PRKCZ: variants seen among roughly 807,000 people sequenced by gnomAD.
The protein encoded by PRKCZ is protein kinase C zeta type.
A neutral mutation model predicts 79.5 loss-of-function variants in PRKCZ; 33 were observed. That is an observed-to-expected ratio of 0.41 (90% CI 0.31 to 0.55). PRKCZ has a LOEUF of 0.55. PRKCZ is among the 20% of genes least tolerant of loss of function. PRKCZ has a pLI of 0.19. For synonymous variants in PRKCZ, 342 were observed against 320.9 expected, an observed-to-expected ratio of 1.07 and a Z score of -0.70; for missense variants, 578 against 813.5, an observed-to-expected ratio of 0.71 and a Z score of 3.52.
intron 11 of PRKCZ, among the ~76,000 whole-genome samples, chr1:2,169,868 G>A (rs968328178): frequency 5.3e-5 from 8 of 151,782 alleles, no homozygotes; most frequent in Admixed American, 6.6e-5. Context: ...TCAAGGGAGG[G>A]AAGTCCAGGT....
chr1:2,097,678 C>T (rs1037735493), intron 4 of PRKCZ, among the ~76,000 whole-genome samples: 5 of 152,246 alleles, frequency 3.3e-5, no homozygotes, highest in South Asian at 2.1e-4. Flanking sequence ...CGCCTCGCAC[C>T]GTGCTCCTGG....
At chr1:2,056,763 C>G (rs1660204264) in intron 3 of PRKCZ, among the ~76,000 whole-genome samples, 190 bp downstream of exon 3, 1 of 143,188 alleles carries the variant, frequency 7.0e-6, no homozygotes, top group South Asian at 2.2e-4. Flanking sequence ...GAGTCTTGCT[C>G]TGTTGCCCAG....
In PRKCZ at chr1:2,172,251, C is replaced by T. The variant is rs562500175; in HGVS notation, c.1198-50C>T. 1.1e-5 allele frequency: 18 copies of T among 1,613,416 alleles called. No homozygotes were observed. Among genetic ancestry groups the T allele is most frequent in the Middle Eastern group, 1.6e-4 (1 of 6,062 alleles). On this transcript the variant is annotated intron_variant, in intron 12 of 17. Coordinates refer to ENST00000378567, the MANE Select transcript of PRKCZ (RefSeq NM_002744.6). This position sits in a 1 kb window ranked among gnomAD's most constrained non-coding sequence, Gnocchi z 7.8. ...CATGTGCGTCTCGGGGCGCCTGTCC[C>T]GCGGGGTAGTGTCTACAAGAACCCT... is the stretch of plus-strand genomic sequence containing the variant.
Position 2,185,179 on chromosome 1 carries a change from C to A in PRKCZ, c.*170C>A. The A allele has an allele frequency of 1.4e-6, 1 of 726,740 alleles. No homozygotes were observed. The allele number at this position is 726,740 out of a possible 1,614,324, so 45.0% of individuals were successfully genotyped here. ...CGGGCGCTGCTGGGAGCAGAACAGT[C>A]CCTCACACCTGGGCCCGGGCAGGCC... On this transcript the variant is annotated 3_prime_UTR_variant, in exon 18 of 18. Transcript: ENST00000378567.
rs1290128429 is a variant in PRKCZ at position 2,152,991 on chromosome 1, A to G, written c.876+2013A>G. ...TTTGAGTCTATTTCCAGTTCTTTTGAGTGCAAACCTAGCAGTACAGTTGCT... is the reference window on the plus strand; with the variant it reads ...TTTGAGTCTATTTCCAGTTCTTTTGGGTGCAAACCTAGCAGTACAGTTGCT... On this transcript the variant is annotated intron_variant, in intron 9 of 17. Transcript: ENST00000378567. Among the ~76,000 whole-genome samples the G allele has an allele frequency of 1.3e-5, 2 of 152,188 alleles. 1 individual carries two copies. The highest frequency in any genetic ancestry group is 6.3e-3 in the Middle Eastern group (2 of 316).
In PRKCZ at chr1:2,104,717, G is replaced by T. The variant is rs977619863; in HGVS notation, c.335-30545G>T. The T allele has an allele frequency of 3.0e-6, 3 of 985,802 alleles. No individual in the cohort carries two copies. In the African/African-American group the frequency reaches 5.2e-5, roughly 17 times the overall value. The allele number at this position is 985,802 out of a possible 1,614,324, so 61.1% of individuals were successfully genotyped here. ...GGCCTGCCCTGGCGAGGGGTGGTCA[G>T]AACATCGCTCGGTGCCAGACAGGCA... On this transcript the variant is annotated intron_variant, in intron 4 of 17. Coordinates refer to ENST00000378567, the MANE Select transcript of PRKCZ (RefSeq NM_002744.6).
intron 4 of PRKCZ, among the ~76,000 whole-genome samples, chr1:2,096,400 G>T (rs1471814796): frequency 1.3e-5 from 2 of 152,050 alleles, no homozygotes; most frequent in Non-Finnish European, 2.9e-5. Context: ...CTGGGAGCAC[G>T]GGTGAGGTGC....
chr1:2,073,873 G>T, intron 4 of PRKCZ: 1 of 1,093,282 alleles, frequency 9.1e-7, no homozygotes, highest in South Asian at 3.2e-5. Context: ...CTCCCTGCAC[G>T]CCCGCCGCGC....
chr1:2,127,309 T>C lies in PRKCZ; in HGVS notation c.335-7953T>C, dbSNP rs1401749866. On this transcript the variant is annotated intron_variant, in intron 4 of 17. Coordinates refer to ENST00000378567, the MANE Select transcript of PRKCZ (RefSeq NM_002744.6). The surrounding 1 kb of genome is among the most constrained non-coding windows in gnomAD (Gnocchi z 5.1). Reference sequence around the variant, plus strand: ...TTCAATCACATGTTCAGCTGGGAAATAGATCTGTGGTTAGAAACGGGAAGT... The same window carrying C: ...TTCAATCACATGTTCAGCTGGGAAACAGATCTGTGGTTAGAAACGGGAAGT... Among the ~76,000 whole-genome samples, 4 of 151,362 alleles carry C rather than the reference T, an allele frequency of 2.6e-5. No homozygotes were observed. The East Asian group carries it at 5.9e-4, about 22-fold the overall frequency.
chr1:2,093,744 G>A (rs1665923396), intron 4 of PRKCZ, among the ~76,000 whole-genome samples: 1 of 152,192 alleles, frequency 6.6e-6, no homozygotes, highest in Admixed American at 6.5e-5. Context: ...GGGCCCAGAG[G>A]AACCCCAGGG....
At chr1:2,100,598 G>C (rs965986092) in intron 4 of PRKCZ, among the ~76,000 whole-genome samples, 1 of 152,252 alleles carries the variant, frequency 6.6e-6, no homozygotes, top group Non-Finnish European at 1.5e-5. Context: ...GAGCCCGTCT[G>C]TTCCTTCTGG....
chr1:2,078,387 G>T (rs532020724), intron 4 of PRKCZ, among the ~76,000 whole-genome samples: 5 of 152,194 alleles, frequency 3.3e-5, no homozygotes, highest in African/African-American at 1.2e-4. Flanking sequence ...TCTGCATTTC[G>T]AAGGGATCGC....
At chr1:2,092,847 G>T (rs1166446885) in intron 4 of PRKCZ, among the ~76,000 whole-genome samples, 2 of 152,216 alleles carry the variant, frequency 1.3e-5, no homozygotes, top group African/African-American at 2.4e-5. Flanking sequence ...GGAGGACACT[G>T]AGGGCCTCAG....
intron 4 of PRKCZ, among the ~76,000 whole-genome samples, chr1:2,064,538 T>C (rs560332181): frequency 3.9e-5 from 6 of 152,364 alleles, no homozygotes; most frequent in Admixed American, 2.6e-4. Flanking sequence ...TGAGTTAATT[T>C]TTGTATGTGG....
chr1:2,098,106 A>G (rs1187133084), intron 4 of PRKCZ, among the ~76,000 whole-genome samples: 5 of 8,172 alleles, frequency 6.1e-4, no homozygotes, highest in Non-Finnish European at 1.1e-3. Flanking sequence ...GACTAAGGTC[A>G]GAGCAGGTGA....
intron 4 of PRKCZ, among the ~76,000 whole-genome samples, chr1:2,111,011 C>T (rs1424796865): frequency 6.6e-6 from 1 of 152,172 alleles, no homozygotes; most frequent in African/African-American, 2.4e-5. Flanking sequence ...ACCCCGTGCC[C>T]GCCCTGAGGG....
intron 4 of PRKCZ, among the ~76,000 whole-genome samples, chr1:2,092,288 G>A (rs1282111280): frequency 6.6e-6 from 1 of 152,120 alleles, no homozygotes; most frequent in African/African-American, 2.4e-5. Flanking sequence ...GTGAAGAGGA[G>A]GGCAGCCCCT....
chr1:2,157,156 G>A (rs1285174843), intron 10 of PRKCZ, among the ~76,000 whole-genome samples: 1 of 152,140 alleles, frequency 6.6e-6, no homozygotes, highest in Non-Finnish European at 1.5e-5. Context: ...GGGAAACGCA[G>A]CCTTCCTCCT....
At chr1:2,167,688 G>A (rs1330072579) in intron 10 of PRKCZ, among the ~76,000 whole-genome samples, 1 of 152,110 alleles carries the variant, frequency 6.6e-6, no homozygotes, top group Non-Finnish European at 1.5e-5. Context: ...ACTGCAGCCT[G>A]TGCCTCCTGG....
Sources: allele counts gnomAD v4.1 joint callset (sites outside exome capture counted in the v4.1 genomes callset), GRCh38; gene constraint gnomAD v4.1.1; non-coding constraint Gnocchi (gnomAD v3.1); transcripts MANE v1.5; gene names NCBI Gene and HGNC (gene_info 2026-07-23, HGNC 2026-07-21).